The following STARD10 variants were observed in gnomAD, a reference collection of about 807,000 sequenced individuals.
STARD10 encodes the protein StAR related lipid transfer domain containing 10, also known as START domain-containing protein 10.
STARD10 carries 24 observed loss-of-function variants against 36.0 expected under a neutral mutation model. The observed-to-expected ratio is 0.67, with a 90% confidence interval of 0.48 to 0.94. STARD10 has a LOEUF of 0.94. STARD10 is among the 40% of genes least tolerant of loss of function. STARD10 has a pLI of 0.00. For missense variants in STARD10, 335 were observed against 396.6 expected (o/e 0.84, Z 1.32); for synonymous variants, 156 against 161.9 (o/e 0.96, Z 0.28).
At chr11:72,774,234 A>T (rs77437595) in intron 2 of STARD10, among the ~76,000 whole-genome samples, 5,256 of 152,332 alleles carry the variant, frequency 0.035, 119 homozygotes, top group Middle Eastern at 0.058. Context: ...ATTAGGCAGC[A>T]GGAGGCAGTA....
At chr11:72,785,114 C>G (rs529437381) in intron 1 of STARD10, among the ~76,000 whole-genome samples, 101 of 152,246 alleles carry the variant, frequency 6.6e-4, no homozygotes, top group African/African-American at 2.3e-3. Flanking sequence ...GGTCAGGGCA[C>G]CTGCCTGGAG....
intron 2 of STARD10, among the ~76,000 whole-genome samples, chr11:72,773,219 A>G (rs1215268024): frequency 2.0e-5 from 3 of 152,232 alleles, no homozygotes; most frequent in Non-Finnish European, 4.4e-5. Context: ...ACAGGGGAAC[A>G]GAGATGGATA....
chr11:72,754,896 C>T lies in STARD10; in HGVS notation c.*1G>A. On this transcript the variant is annotated 3_prime_UTR_variant, in exon 7 of 7. Coordinates refer to ENST00000334805, the MANE Select transcript of STARD10 (RefSeq NM_006645.3). ...TCTCCGTCCCTGAAGCGGTGCGGCG[C>T]TCAGGTGAGCGAGGTGTCGTCGTCG... 6 of 1,597,220 alleles carry T rather than the reference C, an allele frequency of 3.8e-6. No individual in the cohort carries two copies. The highest frequency in any genetic ancestry group is 5.1e-6 in the Non-Finnish European group (6 of 1,177,972).
rs754062872 is a variant in STARD10 at position 72,759,339 on chromosome 11, C to A, written c.250G>T (p.Asp84Tyr). ...CGGTACTCAATGTCGTGTAGGACGTCGTAGAGTGTCTCGGCTGGCACATCA... is the reference window on the plus strand; with the variant it reads ...CGGTACTCAATGTCGTGTAGGACGTAGTAGAGTGTCTCGGCTGGCACATCA... ...CCDVPAETLY[D>Y]VLHDIEYRKK... Residue 84 changes from aspartate to tyrosine, a missense_variant, in exon 3 of 7, where the codon GAC becomes TAC. Transcript: ENST00000334805. The A allele has an allele frequency of 6.2e-7, 1 of 1,613,494 alleles. No homozygotes were observed. Among genetic ancestry groups the A allele is most frequent in the East Asian group, 2.2e-5 (1 of 44,838 alleles).
At chr11:72,758,245 C>G (rs1858672095) in intron 4 of STARD10, among the ~76,000 whole-genome samples, 1 of 152,224 alleles carries the variant, frequency 6.6e-6, no homozygotes, top group South Asian at 2.1e-4. Flanking sequence ...CCAGAGGACC[C>G]TGCCTCTCAC....
intron 1 of STARD10, chr11:72,783,659 A>G (rs1859033654): frequency 6.5e-6 from 1 of 152,720 alleles, no homozygotes; most frequent in Non-Finnish European, 1.5e-5. Flanking sequence ...TGGATCTGCC[A>G]CGAGGAAAAG....
chr11:72,782,114 C>T (rs1475659381), intron 1 of STARD10, among the ~76,000 whole-genome samples: 1 of 152,032 alleles, frequency 6.6e-6, no homozygotes, highest in Non-Finnish European at 1.5e-5. Flanking sequence ...TTCTCTCCAC[C>T]ACCTCCCATA....
At chr11:72,788,387 T>C in intron 1 of STARD10, among the ~76,000 whole-genome samples, 1 of 152,138 alleles carries the variant, frequency 6.6e-6, no homozygotes, top group East Asian at 1.9e-4. Context: ...ACCTCGGTGC[T>C]GGTGTGCACA....
intron 1 of STARD10, among the ~76,000 whole-genome samples, chr11:72,787,248 C>T (rs1317751013): frequency 6.6e-6 from 1 of 152,134 alleles, no homozygotes; most frequent in Non-Finnish European, 1.5e-5. Context: ...ATCTGTCCTG[C>T]TTCCTCTTCC....
At chr11:72,769,663 C>G (rs911980985) in intron 2 of STARD10, among the ~76,000 whole-genome samples, 4 of 152,016 alleles carry the variant, frequency 2.6e-5, no homozygotes, top group Non-Finnish European at 5.9e-5. Context: ...TTTTTCAATT[C>G]AGTTCCCAGA....
Position 72,781,966 on chromosome 11 carries a change from G to A in STARD10, c.-113-672C>T, listed in dbSNP as rs1321176805. The A allele has an allele frequency of 6.6e-6, 1 of 152,152 alleles. No homozygotes were observed. Among genetic ancestry groups the A allele is most frequent in the Non-Finnish European group, 1.5e-5 (1 of 68,038 alleles). The allele number at this position is 152,152 out of a possible 1,614,324, so 9.4% of individuals were successfully genotyped here. On this transcript the variant is annotated intron_variant, in intron 1 of 6. Transcript: ENST00000334805. The surrounding 1 kb of genome is among the most constrained non-coding windows in gnomAD (Gnocchi z 4.7). ...TAGCGCCCGCCCCCGCCGGCCCTGGGAGGGGACCCTGCGCGCGAGGGGCAA... is the reference window on the plus strand; with the variant it reads ...TAGCGCCCGCCCCCGCCGGCCCTGGAAGGGGACCCTGCGCGCGAGGGGCAA...
chr11:72,792,078 C>G (rs1214967990), intron 1 of STARD10, among the ~76,000 whole-genome samples: 9 of 102,530 alleles, frequency 8.8e-5, no homozygotes, highest in African/African-American at 3.5e-4. Flanking sequence ...GAGACAGAGT[C>G]TTACTCTGTC....
chr11:72,757,731 G>A, intron 5 of STARD10, 36 bp downstream of exon 5: 1 of 1,591,530 alleles, frequency 6.3e-7, no homozygotes, highest in South Asian at 1.1e-5. Context: ...GTATAGGGAA[G>A]GATCCCATGA....
intron 2 of STARD10, among the ~76,000 whole-genome samples, chr11:72,776,558 G>A (rs1254803169): frequency 3.3e-5 from 5 of 152,094 alleles, no homozygotes; most frequent in African/African-American, 9.7e-5. Flanking sequence ...AGGGAGTGGC[G>A]AGATCTCAGC....
At chr11:72,763,124 T>G (rs963466993) in intron 2 of STARD10, among the ~76,000 whole-genome samples, 1 of 148,630 alleles carries the variant, frequency 6.7e-6, no homozygotes, top group Non-Finnish European at 1.5e-5. Flanking sequence ...TCTCACATCC[T>G]GGGAAATCCC....
intron 4 of STARD10, 67 bp downstream of exon 4, chr11:72,758,463 G>T: frequency 7.7e-7 from 1 of 1,301,912 alleles, no homozygotes; most frequent in Non-Finnish European, 1.1e-6. Flanking sequence ...AGTCATGGTG[G>T]CAGCCTCAGC....
chr11:72,773,701 C>G (rs1247583328), intron 2 of STARD10, among the ~76,000 whole-genome samples: 1 of 152,202 alleles, frequency 6.6e-6, no homozygotes, highest in African/African-American at 2.4e-5. Flanking sequence ...ATCACACACA[C>G]AGTCACCCAC....
intron 2 of STARD10, among the ~76,000 whole-genome samples, chr11:72,760,133 C>T (rs570363433): frequency 3.9e-5 from 6 of 152,224 alleles, no homozygotes; most frequent in African/African-American, 1.4e-4. Flanking sequence ...AATCTCTTGA[C>T]CTTGTGATCC....
intron 2 of STARD10, among the ~76,000 whole-genome samples, chr11:72,772,164 C>T (rs1306195934): frequency 2.0e-5 from 3 of 151,828 alleles, no homozygotes; most frequent in Non-Finnish European, 4.4e-5. Context: ...ATGGTTCTCC[C>T]TGTGCCCGGT....
Sources: allele counts gnomAD v4.1 joint callset (sites outside exome capture counted in the v4.1 genomes callset), GRCh38; gene constraint gnomAD v4.1.1; non-coding constraint Gnocchi (gnomAD v3.1); transcripts MANE v1.5; gene names NCBI Gene and HGNC (gene_info 2026-07-23, HGNC 2026-07-21).